Variants in MUSK observed in about 807,000 individuals in gnomAD.
The protein encoded by MUSK is muscle, skeletal receptor tyrosine-protein kinase.
In MUSK, 55 loss-of-function variants were observed where a neutral mutation model predicts 88.7. That is an observed-to-expected ratio of 0.62 (90% CI 0.50 to 0.78). The LOEUF (loss-of-function observed/expected upper bound fraction) is 0.78, where lower values mean the gene tolerates loss of function less well. Ranked by LOEUF, MUSK falls within the 30% of genes least tolerant of loss-of-function variation. The pLI, the probability that MUSK is intolerant of heterozygous loss-of-function variation, is 0.00. For missense variants in MUSK, 1,015 were observed against 1,074.3 expected, an observed-to-expected ratio of 0.94 and a Z score of 0.77; for synonymous variants, 387 against 391.9, an observed-to-expected ratio of 0.99 and a Z score of 0.15.
chr9:110,771,616 T>C (rs901955809), intron 9 of MUSK, among the ~76,000 whole-genome samples: 3 of 152,222 alleles, frequency 2.0e-5, no homozygotes, highest in South Asian at 2.1e-4. Context: ...ATTTGTGTGG[T>C]TGAGATGGAA....
intron 14 of MUSK, among the ~76,000 whole-genome samples, chr9:110,797,132 T>TAA (rs1223131136): frequency 4.8e-3 from 82 of 17,164 alleles, no homozygotes; most frequent in South Asian, 0.013. Context: ...AATAAAAAAA[T>TAA]AAAAAATAAA....
chr9:110,722,977 C>T (rs1236347369), intron 5 of MUSK, among the ~76,000 whole-genome samples: 1 of 152,054 alleles, frequency 6.6e-6, no homozygotes, highest in African/African-American at 2.4e-5. Context: ...TGTGGTGATT[C>T]TTTAAAGAAC....
At chr9:110,757,469 A>AG (rs1274885989) in intron 7 of MUSK, among the ~76,000 whole-genome samples, 2 of 151,844 alleles carry the variant, frequency 1.3e-5, no homozygotes, top group East Asian at 1.9e-4. Context: ...GAAAAAAAAA[A>AG]AAAAGAAAAA....
intron 5 of MUSK, among the ~76,000 whole-genome samples, chr9:110,703,003 A>C (rs1385757453): frequency 6.6e-6 from 1 of 152,178 alleles, no homozygotes; most frequent in East Asian, 1.9e-4. Flanking sequence ...TTTAACAAGA[A>C]AAAAAAGCTA....
intron 7 of MUSK, among the ~76,000 whole-genome samples, chr9:110,752,463 T>A (rs142917218): frequency 2.3e-4 from 35 of 152,376 alleles, no homozygotes; most frequent in African/African-American, 7.2e-4. Flanking sequence ...CGGCATCCGA[T>A]GAGGCTGGCC....
intron 6 of MUSK, among the ~76,000 whole-genome samples, chr9:110,737,029 C>T (rs2077038388): frequency 6.6e-6 from 1 of 152,068 alleles, no homozygotes; most frequent in Non-Finnish European, 1.5e-5. Flanking sequence ...TATCTCCTGA[C>T]TCCCTAAGGC....
At chr9:110,750,283 C>A (rs1014974539) in intron 7 of MUSK, among the ~76,000 whole-genome samples, 1 of 152,176 alleles carries the variant, frequency 6.6e-6, no homozygotes, top group Non-Finnish European at 1.5e-5. Flanking sequence ...TTCCTTCTTT[C>A]TCTTTCCCTA....
intron 5 of MUSK, among the ~76,000 whole-genome samples, chr9:110,727,988 T>A (rs2076909709): frequency 6.6e-6 from 1 of 152,130 alleles, no homozygotes; most frequent in Non-Finnish European, 1.5e-5. Context: ...ACAATTAATT[T>A]GGTTTTGTTG....
intron 5 of MUSK, among the ~76,000 whole-genome samples, chr9:110,697,883 C>T (rs2076454503): frequency 6.6e-6 from 1 of 151,110 alleles, no homozygotes; most frequent in African/African-American, 2.4e-5. Context: ...TAGCTATTTT[C>T]AGATAGTGTT....
chr9:110,738,361 C>A (rs898824395), intron 6 of MUSK, among the ~76,000 whole-genome samples: 3 of 152,116 alleles, frequency 2.0e-5, no homozygotes, highest in African/African-American at 4.8e-5. Flanking sequence ...TTGCATAGAG[C>A]ACTATCTTAT....
chr9:110,738,978 G>A (rs2077061804), intron 6 of MUSK, among the ~76,000 whole-genome samples: 2 of 152,090 alleles, frequency 1.3e-5, no homozygotes, highest in Non-Finnish European at 2.9e-5. Context: ...ATCTTGGGAG[G>A]ACTGAAAATG....
intron 5 of MUSK, among the ~76,000 whole-genome samples, chr9:110,698,276 T>C (rs1564227361): frequency 6.6e-6 from 1 of 152,232 alleles, no homozygotes; most frequent in Non-Finnish European, 1.5e-5. Flanking sequence ...CTCTATTTAA[T>C]GAAGTTAGGT....
intron 6 of MUSK, among the ~76,000 whole-genome samples, chr9:110,742,589 G>T (rs2077117084): frequency 6.6e-6 from 1 of 152,190 alleles, no homozygotes; most frequent in Admixed American, 6.5e-5. Flanking sequence ...TTCATATGAG[G>T]TTATAAATGG....
chr9:110,688,993 T>C (rs1186013539), intron 3 of MUSK, among the ~76,000 whole-genome samples: 2 of 144,220 alleles, frequency 1.4e-5, no homozygotes, highest in Non-Finnish European at 3.0e-5. Flanking sequence ...TACAAATATA[T>C]ACTTAAATAT....
chr9:110,746,004 A>C (rs2077170989), intron 6 of MUSK, among the ~76,000 whole-genome samples: 1 of 152,196 alleles, frequency 6.6e-6, no homozygotes, highest in Non-Finnish European at 1.5e-5. Flanking sequence ...AAACTGTGAA[A>C]ATCCTTTCTC....
intron 5 of MUSK, among the ~76,000 whole-genome samples, chr9:110,717,548 T>A (rs1018480844): frequency 6.7e-6 from 1 of 150,210 alleles, no homozygotes; most frequent in African/African-American, 2.5e-5. Context: ...CACCAATTGC[T>A]GTGTTCATCA....
chr9:110,732,721 T>C (rs981202870), intron 5 of MUSK, among the ~76,000 whole-genome samples: 5 of 152,118 alleles, frequency 3.3e-5, no homozygotes, highest in Admixed American at 6.6e-5. Flanking sequence ...ATTTTAAACA[T>C]TTGATAGCAT....
intron 6 of MUSK, among the ~76,000 whole-genome samples, chr9:110,734,704 G>A (rs1205079305): frequency 6.6e-6 from 1 of 152,024 alleles, no homozygotes; most frequent in Non-Finnish European, 1.5e-5. Context: ...CCCTGCTAGA[G>A]GCTACTTTGA....
rs1348939791 is a variant in MUSK, at chr9:110,800,587, A to C, written c.2209A>C (p.Met737Leu). ...CAGGAACTGCCTGGTGGGCGAGAAC[A>C]TGGTGGTGAAAATTGCCGACTTTGG... ...ATRNCLVGEN[M>L]VVKIADFGLS... Residue 737 changes from methionine (M) to leucine (L), a missense_variant, in exon 15 of 15, where the codon ATG becomes CTG. Coordinates refer to ENST00000374448, the MANE Select transcript of MUSK (RefSeq NM_005592.4). 6.7e-7 allele frequency: 1 copy of C among 1,496,292 alleles called. No homozygotes were observed. The highest frequency in any genetic ancestry group is 9.0e-7 in the Non-Finnish European group (1 of 1,106,874). 92.7% of individuals were successfully genotyped at this position (1,496,292 alleles called of 1,614,324 possible).
Sources: allele counts gnomAD v4.1 joint callset (sites outside exome capture counted in the v4.1 genomes callset), GRCh38; gene constraint gnomAD v4.1.1; transcripts MANE v1.5; gene names NCBI Gene and HGNC (gene_info 2026-07-23, HGNC 2026-07-21).